Variants in ADAMTS3 observed in about 807,000 individuals in gnomAD.
ADAMTS3 encodes the protein ADAM metallopeptidase with thrombospondin type 1 motif 3.
ADAMTS3 carries 73 observed loss-of-function variants against 129.0 expected under a neutral mutation model. That is an observed-to-expected ratio of 0.57 (90% confidence interval 0.47 to 0.69). The LOEUF (loss-of-function observed/expected upper bound fraction) is 0.69. ADAMTS3 is among the 30% of genes least tolerant of loss of function. The probability of loss-of-function intolerance (pLI) is 0.00; values close to 1 mark genes in which losing one functional copy is unlikely to be tolerated. For missense variants in ADAMTS3, 1,457 were observed against 1,514.5 expected, an observed-to-expected ratio of 0.96 and a Z score of 0.63; for synonymous variants, 477 against 510.8, an observed-to-expected ratio of 0.93 and a Z score of 0.89.
At chr4:72,483,527 T>G (rs1378707291) in intron 3 of ADAMTS3, among the ~76,000 whole-genome samples, 1 of 152,142 alleles carries the variant, frequency 6.6e-6, no homozygotes, top group East Asian at 1.9e-4. Context: ...TTTCAGGAAG[T>G]TCATTCTTCA....
chr4:72,470,096 A>C (rs1224257298), intron 3 of ADAMTS3, among the ~76,000 whole-genome samples: 1 of 152,028 alleles, frequency 6.6e-6, no homozygotes, highest in Non-Finnish European at 1.5e-5. Flanking sequence ...AAGACTTCAG[A>C]GAAGACTTCA....
At position 72,475,650 on chromosome 4, in the gene ADAMTS3, C is replaced by T. The variant is rs1191478555; in HGVS notation, c.505-60679G>A. Among the ~76,000 whole-genome samples, 4 of 151,818 alleles carry T rather than the reference C, an allele frequency of 2.6e-5. No individual in the cohort carries two copies. The East Asian group carries it at 7.7e-4, about 29-fold the overall frequency. ...AGACGAACTCAACACCATCAATCTACAAGATCCAGTCAATATTTATAAAAT... is the reference window on the plus strand; with the variant it reads ...AGACGAACTCAACACCATCAATCTATAAGATCCAGTCAATATTTATAAAAT... On this transcript the variant is annotated intron_variant, in intron 3 of 21. Transcript: ENST00000286657.
At chr4:72,470,836 T>TA (rs1283838637) in intron 3 of ADAMTS3, among the ~76,000 whole-genome samples, 6 of 152,164 alleles carry the variant, frequency 3.9e-5, no homozygotes, top group South Asian at 4.1e-4. Flanking sequence ...CCAGTTGCAA[T>TA]AAAAAAGTCC....
At chr4:72,554,115 C>T (rs1195584087) in intron 2 of ADAMTS3, among the ~76,000 whole-genome samples, 2 of 152,148 alleles carry the variant, frequency 1.3e-5, no homozygotes, top group Non-Finnish European at 2.9e-5. Context: ...CCTTCTTCCT[C>T]CTTGTACTAT....
At chr4:72,347,438 A>G (rs1720318159) in intron 4 of ADAMTS3, among the ~76,000 whole-genome samples, 1 of 151,868 alleles carries the variant, frequency 6.6e-6, no homozygotes, top group Admixed American at 6.6e-5. Flanking sequence ...TCTGTAGTCA[A>G]CTATTCTTAG....
chr4:72,526,665 A>G (rs1486397837), intron 3 of ADAMTS3, among the ~76,000 whole-genome samples: 1 of 138,784 alleles, frequency 7.2e-6, no homozygotes, highest in African/African-American at 2.7e-5. Flanking sequence ...CTTTTATATA[A>G]CCATATACAC....
At chr4:72,486,108 C>T (rs906692894) in intron 3 of ADAMTS3, among the ~76,000 whole-genome samples, 2 of 152,152 alleles carry the variant, frequency 1.3e-5, no homozygotes, top group African/African-American at 4.8e-5. Context: ...CATGCAAGAA[C>T]TGTATATAGT....
intron 4 of ADAMTS3, among the ~76,000 whole-genome samples, chr4:72,355,865 C>T (rs1230504078): frequency 6.6e-6 from 1 of 151,982 alleles, no homozygotes; most frequent in African/African-American, 2.4e-5. Context: ...CCATGATATT[C>T]ATCATAGTAC....
chr4:72,420,548 C>T (rs1263250906), intron 3 of ADAMTS3, among the ~76,000 whole-genome samples: 1 of 152,224 alleles, frequency 6.6e-6, no homozygotes, highest in African/African-American at 2.4e-5. Flanking sequence ...CTCCGACACA[C>T]TCGATCACTT....
chr4:72,455,919 CTA>C (rs1326615811), intron 3 of ADAMTS3, among the ~76,000 whole-genome samples: 14 of 98,972 alleles, frequency 1.4e-4, no homozygotes, highest in African/African-American at 5.9e-4. Context: ...TGTATATATA[CTA>C]TATATATTTT....
chr4:72,433,582 C>T (rs538994842), intron 3 of ADAMTS3, among the ~76,000 whole-genome samples: 1 of 151,806 alleles, frequency 6.6e-6, no homozygotes, highest in South Asian at 2.1e-4. Flanking sequence ...AAATTTTTTC[C>T]CCACACCTTT....
At chr4:72,357,371 A>G (rs927370407) in intron 4 of ADAMTS3, among the ~76,000 whole-genome samples, 5 of 151,954 alleles carry the variant, frequency 3.3e-5, no homozygotes, top group African/African-American at 1.2e-4. Context: ...GATTATAGTA[A>G]ATTACTTATT....
chr4:72,447,818 G>C (rs1718297951), intron 3 of ADAMTS3, among the ~76,000 whole-genome samples: 1 of 151,696 alleles, frequency 6.6e-6, no homozygotes, highest in Non-Finnish European at 1.5e-5. Flanking sequence ...TTGTTTCTGA[G>C]GGGAAAATAG....
At chr4:72,347,452 A>G (rs1304116885) in intron 4 of ADAMTS3, among the ~76,000 whole-genome samples, 4 of 151,686 alleles carry the variant, frequency 2.6e-5, no homozygotes, top group African/African-American at 9.7e-5. Flanking sequence ...TTCTTAGGCT[A>G]CACAGTGCTC....
chr4:72,490,664 T>C (rs912929736), intron 3 of ADAMTS3, among the ~76,000 whole-genome samples: 5 of 151,890 alleles, frequency 3.3e-5, no homozygotes, highest in African/African-American at 1.2e-4. Context: ...TGAGTATGCG[T>C]GAGTTTATCC....
At chr4:72,433,405 G>A (rs1349814329) in intron 3 of ADAMTS3, among the ~76,000 whole-genome samples, 5 of 151,852 alleles carry the variant, frequency 3.3e-5, no homozygotes. Context: ...AAAGAAAGGA[G>A]AAGGCATATC....
chr4:72,354,932 C>G (rs913047888), intron 4 of ADAMTS3, among the ~76,000 whole-genome samples: 2 of 151,940 alleles, frequency 1.3e-5, no homozygotes, highest in African/African-American at 4.8e-5. Flanking sequence ...TCTTCTACAC[C>G]TATCCTACAT....
At chr4:72,331,093 G>T (rs1719839603) in intron 5 of ADAMTS3, among the ~76,000 whole-genome samples, 1 of 152,178 alleles carries the variant, frequency 6.6e-6, no homozygotes. Context: ...AAAGGAAGAG[G>T]CAACTGAGAC....
chr4:72,316,239 T>C (rs56728259), intron 10 of ADAMTS3, among the ~76,000 whole-genome samples: 86,854 of 152,120 alleles, frequency 0.57, 29,155 homozygotes, highest in Non-Finnish European at 0.77. Context: ...TGTTTTTATG[T>C]TTTGTTTTTC....
Sources: allele counts gnomAD v4.1 joint callset (sites outside exome capture counted in the v4.1 genomes callset), GRCh38; gene constraint gnomAD v4.1.1; transcripts MANE v1.5; gene names NCBI Gene and HGNC (gene_info 2026-07-23, HGNC 2026-07-21).